The following PSME4 variants were observed in gnomAD, a reference collection of about 807,000 sequenced individuals.
PSME4 encodes proteasome activator subunit 4.
PSME4 carries 89 observed loss-of-function variants against 253.9 expected under a neutral mutation model. The observed-to-expected ratio is 0.35, with a 90% confidence interval of 0.30 to 0.42. PSME4 has a LOEUF of 0.42. Ranked by LOEUF, PSME4 falls within the 10% of genes least tolerant of loss-of-function variation. PSME4 has a pLI of 1.00. For synonymous variants in PSME4, 851 were observed against 759.2 expected, an observed-to-expected ratio of 1.12 and a Z score of -1.99; for missense variants, 2,014 against 2,195.2, an observed-to-expected ratio of 0.92 and a Z score of 1.65.
chr2:53,893,949 T>A (rs1316243414), intron 34 of PSME4, 150 bp from the exon 35 acceptor site: 3 of 1,271,560 alleles, frequency 2.4e-6, no homozygotes, highest in East Asian at 6.5e-5. Context: ...CTACAGTGAT[T>A]TCTAAAACCA....
At position 53,926,979 on chromosome 2, in the gene PSME4, A is replaced by C. The variant is rs557287192; in HGVS notation, c.1593+415T>G. 1.9e-3 allele frequency among the ~76,000 whole-genome samples: 284 copies of C among 151,244 alleles called. 1 individual carries two copies. Among genetic ancestry groups the C allele is most frequent in the Middle Eastern group, 0.01 (3 of 292 alleles). ...CATAACAAGACTCCATCTCAAAAAA[A>C]AAAGAAAGAAAGAAAGAAAGAAAGA... On this transcript the variant is annotated intron_variant, in intron 12 of 46. Transcript: ENST00000404125.
chr2:53,905,069 A>G (rs1680591705), intron 26 of PSME4, among the ~76,000 whole-genome samples: 1 of 143,946 alleles, frequency 6.9e-6, no homozygotes, highest in Non-Finnish European at 1.5e-5. Flanking sequence ...CTGCTCTGTC[A>G]CCCAGGCTGG....
rs1013962775 is a variant in PSME4, at chr2:53,931,709, T to C, written c.1316+126A>G. On this transcript the variant is annotated intron_variant, in intron 10 of 46. Coordinates refer to ENST00000404125, the MANE Select transcript of PSME4 (RefSeq NM_014614.3). Reference sequence around the variant, plus strand: ...AATCATTACATTAAAATGTCCTGCTTCTCCTCTAGGAACAGGAATAAGCAT... The same window carrying C: ...AATCATTACATTAAAATGTCCTGCTCCTCCTCTAGGAACAGGAATAAGCAT... 2.4e-4 allele frequency: 246 copies of C among 1,021,924 alleles called. 1 individual carries two copies. The South Asian group carries it at 4.2e-3, about 17-fold the overall frequency. The allele number at this position is 1,021,924 out of a possible 1,614,324, so 63.3% of individuals were successfully genotyped here. A position where few individuals can be genotyped will look rare whatever the true frequency, so the allele number is the denominator to read the frequency against.
At chr2:53,901,599 A>T in intron 27 of PSME4, 40 bp from the exon 28 acceptor site, 1 of 1,516,628 alleles carries the variant, frequency 6.6e-7, no homozygotes, top group South Asian at 1.2e-5. Context: ...CATGGGAAAT[A>T]AGAGGCATCA....
chr2:53,900,142 A>G, intron 28 of PSME4, 125 bp from the exon 29 acceptor site: 2 of 903,116 alleles, frequency 2.2e-6, no homozygotes, highest in Middle Eastern at 3.4e-4. Context: ...TTACGATTCC[A>G]TTTATATGAA....
intron 26 of PSME4, among the ~76,000 whole-genome samples, chr2:53,904,705 T>C (rs1057208898): frequency 2.6e-5 from 4 of 152,118 alleles, no homozygotes; most frequent in African/African-American, 7.2e-5. Context: ...CTGGTTATAG[T>C]AGGATGGGCG....
intron 20 of PSME4, 90 bp from the exon 21 acceptor site, chr2:53,910,220 A>C (rs1667768858): frequency 1.0e-6 from 1 of 992,098 alleles, no homozygotes; most frequent in Non-Finnish European, 1.6e-6. Flanking sequence ...GTTTAAACCA[A>C]AACAAAGATA....
At position 53,920,320 on chromosome 2, in the gene PSME4, G is replaced by C; in HGVS notation, c.2293C>G (p.Leu765Val). ...GAAGGAACATGCCACTGGATTCCCA[G>C]ATTCCACAAGTCCCCGGGTTTGCCC... ...DWGKPGDLWNLGIQWHVPSSE... is the reference protein window; with the variant it reads ...DWGKPGDLWNVGIQWHVPSSE... The change falls in exon 19 of 47, where the codon CTG becomes GTG. Residue 765 changes from leucine to valine, a missense_variant. Physicochemically the swap from Leu to Val is conservative, Grantham distance 32 (BLOSUM62 1). Transcript: ENST00000404125. The C allele has an allele frequency of 1.9e-6, 3 of 1,613,468 alleles. No individual in the cohort carries two copies. The highest frequency in any genetic ancestry group is 1.7e-6 in the Non-Finnish European group (2 of 1,179,600).
chr2:53,931,768 A>C, intron 10 of PSME4, 67 bp downstream of exon 10: 3 of 1,513,158 alleles, frequency 2.0e-6, no homozygotes, highest in Non-Finnish European at 2.7e-6. Context: ...AGAGGAGAAA[A>C]GAGAATCGAG....
In PSME4 at chr2:53,958,444, T is replaced by G. The variant is rs181406569; in HGVS notation, c.243-9161A>C. Among the ~76,000 whole-genome samples, 387 of 152,214 alleles carry G rather than the reference T, an allele frequency of 2.5e-3. 3 individuals are homozygous for G. The highest frequency in any genetic ancestry group is 1.8e-3 in the Non-Finnish European group (123 of 68,004). On this transcript the variant is annotated intron_variant, in intron 1 of 46. Coordinates refer to ENST00000404125, the MANE Select transcript of PSME4 (RefSeq NM_014614.3). ...CTTATTTTTAACACATAGACATCAT[T>G]CTGTCCAATCTGATTATGATACAGT...
chr2:53,910,110 A>C lies in PSME4; in HGVS notation c.2537T>G (p.Leu846Trp). The change falls in exon 21 of 47, where the codon TTG becomes TGG. Residue 846 changes from leucine (L) to tryptophan (W), a missense_variant. Physicochemically the swap from Leu to Trp is moderately conservative, Grantham distance 61. Around this residue, in one of 4 missense-constraint regions of PSME4, gnomAD observed 989 missense variants for 1,021.1 expected, o/e 0.97. Coordinates refer to ENST00000404125, the MANE Select transcript of PSME4 (RefSeq NM_014614.3). ...VTNLVPSMVS[L>W]EETKLYTGLE... ...TCCAGTATACAACTTTGTCTCTTCC[A>C]AGGACACCATACTTGGTACTCTGTA... is the stretch of plus-strand genomic sequence containing the variant. 1.9e-6 allele frequency: 3 copies of C among 1,607,680 alleles called. No homozygotes were observed. Among genetic ancestry groups the C allele is most frequent in the Non-Finnish European group, 2.6e-6 (3 of 1,174,170 alleles).
At chr2:53,929,958 C>A (rs1668745074) in intron 10 of PSME4, among the ~76,000 whole-genome samples, 1 of 151,916 alleles carries the variant, frequency 6.6e-6, no homozygotes, top group African/African-American at 2.4e-5. Context: ...GTGGAGGTTG[C>A]AGTGAGCTGA....
rs805413 is a variant in PSME4 at position 53,895,488 on chromosome 2, C to A, written c.3842+95G>T. On this transcript the variant is annotated intron_variant, in intron 33 of 46. Transcript: ENST00000404125. The stretch of plus-strand genomic sequence containing the variant: ...CTAGGGAAGGGGAAAGATAAAAGAA[C>A]CTTCAAGTGCCTCTGAACCTCCCCA... 1.6e-4 allele frequency: 194 copies of A among 1,225,868 alleles called. No homozygotes were observed. The African/African-American group carries it at 2.6e-3, about 17-fold the overall frequency. The allele number at this position is 1,225,868 out of a possible 1,614,324, so 75.9% of individuals were successfully genotyped here. A position where few individuals can be genotyped will look rare whatever the true frequency, so the allele number is the denominator to read the frequency against.
At position 53,890,216 on chromosome 2, in the gene PSME4, A is replaced by G. The variant is rs1679843046; in HGVS notation, c.4192-8T>C. On this transcript the variant is annotated splice_polypyrimidine_tract_variant and splice_region_variant and intron_variant, in intron 36 of 46. Transcript: ENST00000404125. ...CTCCCAAAGCTTCTCCACCTACTCA[A>G]AACAAAATATATGGGTAAGAGTTAA... 2 of 1,587,850 alleles carry G rather than the reference A, an allele frequency of 1.3e-6. No homozygotes were observed. The highest frequency in any genetic ancestry group is 1.7e-6 in the Non-Finnish European group (2 of 1,160,180).
intron 10 of PSME4, among the ~76,000 whole-genome samples, chr2:53,930,444 T>C (rs914645836): frequency 1.3e-5 from 2 of 152,236 alleles, no homozygotes; most frequent in African/African-American, 2.4e-5. Flanking sequence ...TCTGCTACTC[T>C]GTGGAGGCCA....
At position 53,898,479 on chromosome 2, in the gene PSME4, A is replaced by G. The variant is rs967910727; in HGVS notation, c.3423-125T>C. On this transcript the variant is annotated intron_variant, in intron 29 of 46. Coordinates refer to ENST00000404125, the MANE Select transcript of PSME4 (RefSeq NM_014614.3). ...CACTTACTTCCCACCACCTGACTGT[A>G]AACGGCCTGATGAGAAGCAAGCCAG... 47 of 686,344 alleles carry G rather than the reference A, an allele frequency of 6.8e-5. No individual in the cohort carries two copies. The African/African-American group carries it at 7.7e-4, about 11-fold the overall frequency. 42.5% of individuals were successfully genotyped at this position (686,344 alleles called of 1,614,324 possible). A position where few individuals can be genotyped will look rare whatever the true frequency, so the allele number is the denominator to read the frequency against.
chr2:53,960,909 A>C (rs2104487719), intron 1 of PSME4, among the ~76,000 whole-genome samples: 1 of 152,290 alleles, frequency 6.6e-6, no homozygotes, highest in East Asian at 1.9e-4. Context: ...GGAGTTCGAG[A>C]CCAGCCTGAC....
chr2:53,912,343 T>C (rs1667863546), intron 20 of PSME4, among the ~76,000 whole-genome samples: 1 of 152,234 alleles, frequency 6.6e-6, no homozygotes. Context: ...ATCTGGGTAG[T>C]ATACATTACA....
At chr2:53,923,193 A>C in intron 15 of PSME4, 75 bp from the exon 16 acceptor site, 1 of 1,482,908 alleles carries the variant, frequency 6.7e-7, no homozygotes, top group Non-Finnish European at 9.2e-7. Flanking sequence ...AGTGGCAGTA[A>C]AAGGCTGTAA....
Sources: allele counts gnomAD v4.1 joint callset (sites outside exome capture counted in the v4.1 genomes callset), GRCh38; gene constraint gnomAD v4.1.1; regional missense constraint gnomAD v4.1.1; transcripts MANE v1.5; gene names NCBI Gene and HGNC (gene_info 2026-07-23, HGNC 2026-07-21).